Variants in PVR observed in about 807,000 individuals in gnomAD.
PVR encodes PVR cell adhesion molecule, also known as poliovirus receptor.
Under a neutral mutation model 43.3 loss-of-function variants are expected in PVR, and 39 were observed. That is an observed-to-expected ratio of 0.90 (90% CI 0.70 to 1.18). The LOEUF (loss-of-function observed/expected upper bound fraction) is 1.18, where lower values mean the gene tolerates loss of function less well. PVR is among the 50% of genes most tolerant of loss of function. PVR has a pLI of 0.00. For missense variants in PVR, 480 were observed against 549.7 expected (o/e 0.87, Z 1.27); for synonymous variants, 224 against 233.2 (o/e 0.96, Z 0.36).
At chr19:44,661,469 C>T (rs1008896175) in intron 7 of PVR, 146 bp downstream of exon 7, 16 of 901,462 alleles carry the variant, frequency 1.8e-5, no homozygotes, top group South Asian at 6.1e-5. Flanking sequence ...TCCTGCTGGG[C>T]GGAATCCCCT....
In PVR at chr19:44,665,300, G is replaced by A. The variant is rs1320875269; in HGVS notation, c.*3489G>A. On this transcript the variant is annotated 3_prime_UTR_variant, in exon 8 of 8. Transcript: ENST00000425690. ...GCTGTGAGGTCCCAGAAGCCTCTGGGTTGCAGATTGCTTGGGGTGAAAATG... is the reference window on the plus strand; with the variant it reads ...GCTGTGAGGTCCCAGAAGCCTCTGGATTGCAGATTGCTTGGGGTGAAAATG... 2 of 152,090 alleles carry A rather than the reference G, an allele frequency of 1.3e-5. No individual in the cohort carries two copies. Among genetic ancestry groups the A allele is most frequent in the African/African-American group, 2.4e-5 (1 of 41,376 alleles). 9.4% of individuals were successfully genotyped at this position (152,090 alleles called of 1,614,324 possible).
chr19:44,651,068 G>A (rs10410915), intron 3 of PVR, among the ~76,000 whole-genome samples: 44,326 of 151,754 alleles, frequency 0.29, 7,435 homozygotes, highest in African/African-American at 0.46. Context: ...GAGTTTTGCT[G>A]TGTTGCCCAG....
At chr19:44,653,850 G>C in intron 3 of PVR, 50 bp from the exon 4 acceptor site, 1 of 1,302,518 alleles carries the variant, frequency 7.7e-7, no homozygotes, top group South Asian at 1.2e-5. Flanking sequence ...CGTAGCCCCA[G>C]GCCCCCCAAA....
rs1188416957 is a variant in PVR at position 44,644,008 on chromosome 19, G to C, written c.-89G>C. 8.9e-7 allele frequency: 1 copy of C among 1,123,624 alleles called. No individual in the cohort carries two copies. The allele number at this position is 1,123,624 out of a possible 1,614,324, so 69.6% of individuals were successfully genotyped here. ...GGATTCCAGGACCTGAGCTCCGGGA[G>C]CTGGACTCGCAGCGACCGCGGCAGA... On this transcript the variant is annotated 5_prime_UTR_variant, in exon 1 of 8. Transcript: ENST00000425690.
In PVR at chr19:44,644,000, C is replaced by A; in HGVS notation, c.-97C>A. Reference sequence around the variant, plus strand: ...CCCCCCGGGGATTCCAGGACCTGAGCTCCGGGAGCTGGACTCGCAGCGACC... The same window carrying A: ...CCCCCCGGGGATTCCAGGACCTGAGATCCGGGAGCTGGACTCGCAGCGACC... On this transcript the variant is annotated 5_prime_UTR_variant, in exon 1 of 8. Transcript: ENST00000425690. The A allele has an allele frequency of 9.9e-7, 1 of 1,014,200 alleles. No homozygotes were observed. Among genetic ancestry groups the A allele is most frequent in the Non-Finnish European group, 1.4e-6 (1 of 722,996 alleles). 62.8% of individuals were successfully genotyped at this position (1,014,200 alleles called of 1,614,324 possible). A position where few individuals can be genotyped will look rare whatever the true frequency, so the allele number is the denominator to read the frequency against.
intron 3 of PVR, among the ~76,000 whole-genome samples, chr19:44,650,392 G>A (rs956216137): frequency 1.3e-5 from 2 of 151,950 alleles, no homozygotes; most frequent in Non-Finnish European, 2.9e-5. Flanking sequence ...CTGACACTCT[G>A]TTGACTCCCT....
At position 44,644,176 on chromosome 19, in the gene PVR, G is replaced by A; in HGVS notation, c.79+1G>A. The A allele has an allele frequency of 1.3e-6, 2 of 1,500,750 alleles. No individual in the cohort carries two copies. The highest frequency in any genetic ancestry group is 1.8e-6 in the Non-Finnish European group (2 of 1,130,966). 93.0% of individuals were successfully genotyped at this position (1,500,750 alleles called of 1,614,324 possible). The stretch of plus-strand genomic sequence containing the variant: ...CTGTCCTGGCCACCCCCAGGAACCG[G>A]TGAGTGACCCCCGCGCAGTCCGGTG... On this transcript the variant is annotated splice_donor_variant, in intron 1 of 7. Coordinates refer to ENST00000425690, the MANE Select transcript of PVR (RefSeq NM_006505.5). LOFTEE classifies it high-confidence loss of function.
In PVR at chr19:44,664,183, A is replaced by G. The variant is rs1354151930; in HGVS notation, c.*2372A>G. Reference sequence around the variant, plus strand: ...ATACCAAAAAACCATTGAATAGTGCACTTTATTTATTTATTTATTTGTTTA... The same window carrying G: ...ATACCAAAAAACCATTGAATAGTGCGCTTTATTTATTTATTTATTTGTTTA... On this transcript the variant is annotated 3_prime_UTR_variant, in exon 8 of 8. Coordinates refer to ENST00000425690, the MANE Select transcript of PVR (RefSeq NM_006505.5). The G allele has an allele frequency of 2.0e-5, 3 of 151,852 alleles. No homozygotes were observed. Among genetic ancestry groups the G allele is most frequent in the African/African-American group, 7.3e-5 (3 of 41,316 alleles). 9.4% of individuals were successfully genotyped at this position (151,852 alleles called of 1,614,324 possible). A position where few individuals can be genotyped will look rare whatever the true frequency, so the allele number is the denominator to read the frequency against.
rs1255385112 is a variant in PVR, at chr19:44,645,415, G to GTGTATATATATATA, written c.79+1241_79+1242insGTATATATATATAT. On this transcript the variant is annotated intron_variant, in intron 1 of 7. Transcript: ENST00000425690. ...TTTATTATTTATTTATATGTTTTGT[G>GTGTATATATATATA]TATATATATATATATATATATATAT... 2.5e-4 allele frequency among the ~76,000 whole-genome samples: 21 copies of GTGTATATATATATA among 83,818 alleles called. No individual in the cohort carries two copies. The South Asian group carries it at 3.3e-3, about 13-fold the overall frequency. The allele number at this position is 83,818 out of a possible 152,430, so 55.0% of individuals were successfully genotyped here.
chr19:44,657,654 C>T (rs927509026), intron 4 of PVR, 108 bp from the exon 5 acceptor site: 1 of 1,159,598 alleles, frequency 8.6e-7, no homozygotes, highest in South Asian at 1.4e-5. Flanking sequence ...TTGCTCTCCG[C>T]TTATGCTATA....
chr19:44,645,129 ATATAT>A (rs1386537302), intron 1 of PVR, among the ~76,000 whole-genome samples: 1 of 68,278 alleles, frequency 1.5e-5, no homozygotes. Context: ...ATATATTATA[ATATAT>A]TATATATATT....
intron 4 of PVR, 62 bp downstream of exon 4, chr19:44,654,079 G>C: frequency 7.4e-7 from 1 of 1,346,666 alleles, no homozygotes; most frequent in Non-Finnish European, 1.1e-6. Flanking sequence ...TGAGGGAGGA[G>C]GGGCTGGGGG....
chr19:44,661,737 T>C lies in PVR; in HGVS notation c.1183-3T>C, dbSNP rs780990151. 6.2e-7 allele frequency: 1 copy of C among 1,613,890 alleles called. No homozygotes were observed. Among genetic ancestry groups the C allele is most frequent in the Non-Finnish European group, 8.5e-7 (1 of 1,179,824 alleles). On this transcript the variant is annotated splice_polypyrimidine_tract_variant and splice_region_variant and intron_variant, in intron 7 of 7. Coordinates refer to ENST00000425690, the MANE Select transcript of PVR (RefSeq NM_006505.5). Reference sequence around the variant, plus strand: ...AGGCTAAAATTTGAAAACCCTCTTCTAGCATGTCTCCTATTCAGCTGTGAG... The same window carrying C: ...AGGCTAAAATTTGAAAACCCTCTTCCAGCATGTCTCCTATTCAGCTGTGAG...
At chr19:44,657,660 C>A in intron 4 of PVR, 102 bp from the exon 5 acceptor site, 1 of 1,226,476 alleles carries the variant, frequency 8.2e-7, no homozygotes, top group Non-Finnish European at 1.2e-6. Flanking sequence ...TCCGCTTATG[C>A]TATAGAGGGC....
intron 1 of PVR, among the ~76,000 whole-genome samples, chr19:44,644,801 C>G (rs1209723584): frequency 6.7e-6 from 1 of 149,134 alleles, no homozygotes; most frequent in African/African-American, 2.5e-5. Flanking sequence ...CTGCAGCCTC[C>G]TCCTCCCGAG....
chr19:44,661,353 GT>G, intron 7 of PVR, 30 bp downstream of exon 7: 1 of 1,611,486 alleles, frequency 6.2e-7, no homozygotes, highest in East Asian at 2.2e-5. Flanking sequence ...TAAGGAGGGT[GT>G]GGGGTCTGCA....
intron 3 of PVR, among the ~76,000 whole-genome samples, chr19:44,652,936 C>T (rs921469520): frequency 6.6e-6 from 1 of 152,024 alleles, no homozygotes; most frequent in Non-Finnish European, 1.5e-5. Context: ...CCTAGTAAAG[C>T]CTTTGAAATC....
At chr19:44,658,036 G>C in intron 5 of PVR, 126 bp downstream of exon 5, 4 of 999,372 alleles carry the variant, frequency 4.0e-6, no homozygotes, top group Non-Finnish European at 5.9e-6. Flanking sequence ...AGTGGGGCCA[G>C]CTTTACTCCC....
At chr19:44,655,745 G>A (rs185926573) in intron 4 of PVR, among the ~76,000 whole-genome samples, 5 of 151,872 alleles carry the variant, frequency 3.3e-5, no homozygotes, top group African/African-American at 1.2e-4. Context: ...ATTCCACCAC[G>A]TGGATTCCCC....
Sources: gnomAD v4.1 joint callset for allele counts (sites outside exome capture counted in the v4.1 genomes callset) on GRCh38, gnomAD v4.1.1 for gene constraint, MANE v1.5 for transcripts, NCBI Gene and HGNC (gene_info 2026-07-23, HGNC 2026-07-21) for gene names.